RUFY2: variants seen among roughly 807,000 people sequenced by gnomAD.
RUFY2 encodes RUN and FYVE domain containing 2, also known as RUN and FYVE domain-containing protein 2.
In RUFY2, 49 loss-of-function variants were observed where a neutral mutation model predicts 94.4. The observed-to-expected ratio is 0.52, with a 90% CI of 0.41 to 0.66. The LOEUF (loss-of-function observed/expected upper bound fraction) is 0.66, where lower values mean the gene tolerates loss of function less well. RUFY2 is among the 30% of genes least tolerant of loss of function. RUFY2 has a pLI of 0.00. For missense variants in RUFY2, 541 were observed against 692.8 expected, an observed-to-expected ratio of 0.78 and a Z score of 2.46; for synonymous variants, 255 against 235.7, an observed-to-expected ratio of 1.08 and a Z score of -0.75.
chr10:68,398,183 A>C (rs1056925548), intron 3 of RUFY2, among the ~76,000 whole-genome samples: 2 of 151,952 alleles, frequency 1.3e-5, no homozygotes, highest in African/African-American at 4.8e-5. Context: ...GCCTTCAAAA[A>C]CATAGGTAAC....
rs762444653 is a variant in RUFY2, at chr10:68,348,523, A to G, written c.1600-2439T>C. Among the ~76,000 whole-genome samples, 140 of 86,854 alleles carry G rather than the reference A, an allele frequency of 1.6e-3. 1 individual carries two copies. The highest frequency in any genetic ancestry group is 0.014 in the East Asian group (52 of 3,642). The allele number at this position is 86,854 out of a possible 152,430, so 57.0% of individuals were successfully genotyped here. ...CAGAGGAAACTCTGTCTCTGAGGGGAAAAAAAAAAAAAGGCAGCAGCAGGA... is the reference window on the plus strand; with the variant it reads ...CAGAGGAAACTCTGTCTCTGAGGGGGAAAAAAAAAAAAGGCAGCAGCAGGA... On this transcript the variant is annotated intron_variant, in intron 16 of 17. Coordinates refer to ENST00000602465, the MANE Select transcript of RUFY2 (RefSeq NM_001330103.2).
chr10:68,350,305 T>A (rs958537037), intron 16 of RUFY2, among the ~76,000 whole-genome samples: 1 of 152,112 alleles, frequency 6.6e-6, no homozygotes, highest in African/African-American at 2.4e-5. Flanking sequence ...GCCACCATGC[T>A]TGGCCTAATC....
rs7098448 is a variant in RUFY2 at position 68,407,247 on chromosome 10, T to C, written c.-58A>G. The C allele has an allele frequency of 0.11, 139,170 of 1,277,048 alleles. 8,868 individuals are homozygous for C. Among genetic ancestry groups the C allele is most frequent in the South Asian group, 0.25 (10,771 of 42,874 alleles). The allele number at this position is 1,277,048 out of a possible 1,614,324, so 79.1% of individuals were successfully genotyped here. A position where few individuals can be genotyped will look rare whatever the true frequency, so the allele number is the denominator to read the frequency against. On this transcript the variant is annotated 5_prime_UTR_variant, in exon 1 of 18. Coordinates refer to ENST00000602465, the MANE Select transcript of RUFY2 (RefSeq NM_001330103.2). ...CTCCCTCGGCCTGTCCAGCAGCTCC[T>C]TCCAGGCGCTCGGCGGCCACCACCG... is the stretch of plus-strand genomic sequence containing the variant.
chr10:68,368,614 G>T (rs1048311783), intron 13 of RUFY2, among the ~76,000 whole-genome samples: 1 of 151,898 alleles, frequency 6.6e-6, no homozygotes, highest in Non-Finnish European at 1.5e-5. Flanking sequence ...AGCCAAGATC[G>T]CGCCATTGCA....
intron 13 of RUFY2, among the ~76,000 whole-genome samples, chr10:68,376,490 A>T (rs1444682710): frequency 2.2e-4 from 5 of 22,456 alleles, no homozygotes; most frequent in South Asian, 3.3e-3. Flanking sequence ...ATATATATAT[A>T]TTCTCAGAAA....
At chr10:68,366,935 C>T (rs185086989) in intron 13 of RUFY2, among the ~76,000 whole-genome samples, 267 of 145,338 alleles carry the variant, frequency 1.8e-3, no homozygotes, top group African/African-American at 6.3e-3. Context: ...TTTCAGAGGC[C>T]GAGGCGTGCA....
intron 4 of RUFY2, 104 bp from the exon 5 acceptor site, chr10:68,394,555 A>G: frequency 1.3e-6 from 1 of 763,906 alleles, no homozygotes; most frequent in Non-Finnish European, 2.1e-6. Context: ...ACAGAAATGG[A>G]AGCCATCTCA....
At chr10:68,363,920 T>C in intron 14 of RUFY2, 64 bp downstream of exon 14, 1 of 1,280,176 alleles carries the variant, frequency 7.8e-7, no homozygotes, top group Non-Finnish European at 1.1e-6. Flanking sequence ...TAAATTATGA[T>C]TTATCTTTTT....
Position 68,396,798 on chromosome 10 carries a change from A to C in RUFY2, c.380T>G (p.Ile127Ser). The C allele has an allele frequency of 3.1e-6, 5 of 1,612,944 alleles. No individual in the cohort carries two copies. The highest frequency in any genetic ancestry group is 4.2e-6 in the Non-Finnish European group (5 of 1,178,922). The stretch of plus-strand genomic sequence containing the variant: ...TACTAACCTCAAGAGATCCCTCTGA[A>C]TAATTAAGCAACGTAAGTAATCGGC... ...KMADYLRCLI[I>S]QRDLLSEFYE... is the part of the protein sequence containing the mutation. Residue 127 changes from isoleucine (I) to serine (S), a missense_variant, in exon 4 of 18, where the codon ATT becomes AGT. Physicochemically the swap from Ile to Ser is moderately radical, Grantham distance 142. This residue lies in a region of RUFY2 where 85 missense variants were observed against 153.4 expected (regional missense o/e 0.55). Coordinates refer to ENST00000602465, the MANE Select transcript of RUFY2 (RefSeq NM_001330103.2).
intron 13 of RUFY2, among the ~76,000 whole-genome samples, chr10:68,372,583 T>TAA (rs770098226): frequency 7.4e-4 from 71 of 96,348 alleles, no homozygotes; most frequent in African/African-American, 2.2e-3. Context: ...CCTCTCTCTT[T>TAA]AAAAAAAAAA....
At chr10:68,368,757 C>T (rs2048044118) in intron 13 of RUFY2, among the ~76,000 whole-genome samples, 1 of 152,100 alleles carries the variant, frequency 6.6e-6, no homozygotes, top group African/African-American at 2.4e-5. Context: ...TGATGAGTTA[C>T]CTCAGGTTTC....
chr10:68,373,703 T>C (rs2132640398), intron 13 of RUFY2, among the ~76,000 whole-genome samples: 1 of 152,130 alleles, frequency 6.6e-6, no homozygotes, highest in East Asian at 1.9e-4. Flanking sequence ...GCCTAGGAAT[T>C]AGAGGCTGCA....
chr10:68,353,056 G>C (rs1437781083), intron 16 of RUFY2, among the ~76,000 whole-genome samples: 1 of 152,010 alleles, frequency 6.6e-6, no homozygotes. Context: ...ATAGGGGCTA[G>C]ATGCAGTGGC....
intron 16 of RUFY2, among the ~76,000 whole-genome samples, chr10:68,349,679 C>T (rs916446273): frequency 6.6e-6 from 1 of 151,850 alleles, no homozygotes; most frequent in Non-Finnish European, 1.5e-5. Flanking sequence ...CCTGGGACTA[C>T]AGGCACCCAC....
At chr10:68,376,721 T>A in intron 13 of RUFY2, 132 bp downstream of exon 13, 1 of 888,418 alleles carries the variant, frequency 1.1e-6, no homozygotes. Context: ...ATTTTTTTGT[T>A]TTTTAAAGTA....
intron 2 of RUFY2, among the ~76,000 whole-genome samples, chr10:68,403,936 G>T (rs550807340): frequency 6.6e-6 from 1 of 151,982 alleles, no homozygotes; most frequent in African/African-American, 2.4e-5. Flanking sequence ...GGGACCACAG[G>T]CATATGCTGG....
In RUFY2 at chr10:68,345,730, G is replaced by T; in HGVS notation, c.*38C>A. ...TGTATACAACATCATAACATTCATT[G>T]TAGGTAATTTCATACATAAGGATTT... On this transcript the variant is annotated 3_prime_UTR_variant, in exon 18 of 18. Transcript: ENST00000602465. 1 of 1,582,924 alleles carries T rather than the reference G, an allele frequency of 6.3e-7. No homozygotes were observed. Among genetic ancestry groups the T allele is most frequent in the Non-Finnish European group, 8.6e-7 (1 of 1,158,252 alleles).
At position 68,396,522 on chromosome 10, in the gene RUFY2, A is replaced by G. The variant is rs575215637; in HGVS notation, c.398+258T>C. ...GCAGGGCAAAAGAAAAAATTTTTAA[A>G]CAAAGAGGAAGAAATGTAATATATA... On this transcript the variant is annotated intron_variant, in intron 4 of 17. Transcript: ENST00000602465. Among the ~76,000 whole-genome samples the G allele has an allele frequency of 3.9e-5, 6 of 152,280 alleles. No individual in the cohort carries two copies. The South Asian group carries it at 1.2e-3, about 32-fold the overall frequency.
chr10:68,350,701 A>G (rs1041248093), intron 16 of RUFY2, among the ~76,000 whole-genome samples: 1 of 151,196 alleles, frequency 6.6e-6, no homozygotes, highest in Non-Finnish European at 1.5e-5. Context: ...GAGGATACGC[A>G]GTGTTTTTTT....
Sources: gnomAD v4.1 joint callset for allele counts (sites outside exome capture counted in the v4.1 genomes callset) on GRCh38, gnomAD v4.1.1 for gene constraint, gnomAD v4.1.1 regional missense constraint, MANE v1.5 for transcripts, NCBI Gene and HGNC (gene_info 2026-07-23, HGNC 2026-07-21) for gene names.